Variants in ARHGEF3 observed in about 807,000 individuals in gnomAD.
The protein encoded by ARHGEF3 is 59.8 kDA protein.
ARHGEF3 carries 28 observed loss-of-function variants against 63.2 expected under a neutral mutation model. The ratio of observed to expected loss-of-function variants is 0.44; its 90% CI spans 0.33 to 0.61. The LOEUF (loss-of-function observed/expected upper bound fraction) is 0.61. Among genes scored for constraint, ARHGEF3 ranks in the 20% least tolerant of loss-of-function variants. ARHGEF3 has a pLI of 0.03. For synonymous variants in ARHGEF3, 266 were observed against 254.2 expected (o/e 1.05, Z -0.44); for missense variants, 533 against 659.3 (o/e 0.81, Z 2.10).
At chr3:56,967,032 T>G (rs561314803) in intron 2 of ARHGEF3, among the ~76,000 whole-genome samples, 1 of 149,802 alleles carries the variant, frequency 6.7e-6, no homozygotes, top group Admixed American at 6.7e-5. Flanking sequence ...CCCGGCTAAT[T>G]TTGTATTTTT....
chr3:56,953,530 C>T (rs1699907525), intron 3 of ARHGEF3, among the ~76,000 whole-genome samples: 1 of 152,160 alleles, frequency 6.6e-6, no homozygotes, highest in African/African-American at 2.4e-5. Flanking sequence ...CTGCCCCTTC[C>T]CCACCTCAAG....
At chr3:57,067,177 C>A (rs979485552) in intron 1 of ARHGEF3, among the ~76,000 whole-genome samples, 1 of 152,114 alleles carries the variant, frequency 6.6e-6, no homozygotes. Flanking sequence ...GTCGGCCAGG[C>A]GCGGTGGCTC....
intron 3 of ARHGEF3, among the ~76,000 whole-genome samples, chr3:56,754,618 A>G (rs2034957136): frequency 6.6e-6 from 1 of 152,246 alleles, no homozygotes; most frequent in South Asian, 2.1e-4. Flanking sequence ...ATAGAAAGGA[A>G]GTTTTCCATG....
intron 3 of ARHGEF3, among the ~76,000 whole-genome samples, chr3:56,926,052 T>TA (rs1202789683): frequency 2.7e-4 from 41 of 152,210 alleles, no homozygotes; most frequent in Non-Finnish European, 1.5e-5. Flanking sequence ...CGCAGACCTG[T>TA]ACACAATGCT....
chr3:56,992,398 A>AC, intron 2 of ARHGEF3, among the ~76,000 whole-genome samples: 1 of 135,716 alleles, frequency 7.4e-6, no homozygotes. Flanking sequence ...AAAAAAAAAA[A>AC]AAAAAAAAAA....
At chr3:57,073,124 A>G (rs1321249921) in intron 1 of ARHGEF3, among the ~76,000 whole-genome samples, 2 of 152,170 alleles carry the variant, frequency 1.3e-5, no homozygotes, top group African/African-American at 4.8e-5. Flanking sequence ...GTTTTCAAAG[A>G]TACTCACAGG....
chr3:56,888,263 C>A (rs1182143993), intron 3 of ARHGEF3, among the ~76,000 whole-genome samples: 1 of 152,200 alleles, frequency 6.6e-6, no homozygotes, highest in African/African-American at 2.4e-5. Context: ...GGGTGAGGCA[C>A]ATCCCTGACC....
chr3:57,068,162 C>T (rs564020801), intron 1 of ARHGEF3, among the ~76,000 whole-genome samples: 1,414 of 52,874 alleles, frequency 0.027, 35 homozygotes, highest in African/African-American at 0.09. Flanking sequence ...TGCGCGCACA[C>T]ACACATACAC....
intron 3 of ARHGEF3, among the ~76,000 whole-genome samples, chr3:56,957,971 A>G (rs1023362272): frequency 6.6e-6 from 1 of 152,156 alleles, no homozygotes; most frequent in Non-Finnish European, 1.5e-5. Context: ...ACCTTGCATC[A>G]AGAAGTTCAA....
At chr3:56,840,209 G>A (rs1423738464) in intron 4 of ARHGEF3, among the ~76,000 whole-genome samples, 1 of 152,174 alleles carries the variant, frequency 6.6e-6, no homozygotes, top group Non-Finnish European at 1.5e-5. Context: ...GGCATGCAGT[G>A]CCTAGGAGAG....
At chr3:56,869,217 A>C (rs981375719) in intron 4 of ARHGEF3, among the ~76,000 whole-genome samples, 1 of 152,140 alleles carries the variant, frequency 6.6e-6, no homozygotes, top group African/African-American at 2.4e-5. Flanking sequence ...GTCTGTTGGG[A>C]ATAAACCCAT....
chr3:56,815,865 G>A (rs2038250629), intron 4 of ARHGEF3, among the ~76,000 whole-genome samples: 1 of 152,108 alleles, frequency 6.6e-6, no homozygotes, highest in Non-Finnish European at 1.5e-5. Flanking sequence ...GCCCTTCAAG[G>A]GTGGGCTGCT....
chr3:56,950,177 C>A (rs977197849), intron 3 of ARHGEF3, among the ~76,000 whole-genome samples: 1 of 151,986 alleles, frequency 6.6e-6, no homozygotes, highest in Non-Finnish European at 1.5e-5. Context: ...CTATAAAAAC[C>A]CTAGAAGAAA....
At chr3:56,854,401 G>A (rs752593381) in intron 4 of ARHGEF3, among the ~76,000 whole-genome samples, 73 of 152,262 alleles carry the variant, frequency 4.8e-4, no homozygotes, top group Admixed American at 1.7e-3. Context: ...TTAAGGAGGA[G>A]TATTTATCCT....
intron 3 of ARHGEF3, among the ~76,000 whole-genome samples, chr3:56,953,032 T>A (rs73086390): frequency 0.12 from 17,557 of 152,210 alleles, 1,272 homozygotes; most frequent in East Asian, 0.25. Flanking sequence ...GGTGGGGCTC[T>A]GTTTCCCCAT....
At chr3:56,985,613 T>C (rs565619288) in intron 2 of ARHGEF3, among the ~76,000 whole-genome samples, 1 of 152,296 alleles carries the variant, frequency 6.6e-6, no homozygotes, top group Non-Finnish European at 1.5e-5. Flanking sequence ...GGGCCAGCTA[T>C]TTTGTAAAGA....
intron 4 of ARHGEF3, among the ~76,000 whole-genome samples, chr3:56,842,711 C>T (rs1412296086): frequency 6.6e-6 from 1 of 152,154 alleles, no homozygotes; most frequent in South Asian, 2.1e-4. Flanking sequence ...GCTCACTCAT[C>T]CTTCTGTCCC....
chr3:56,839,535 G>A (rs1399862504), intron 4 of ARHGEF3, among the ~76,000 whole-genome samples: 1 of 152,140 alleles, frequency 6.6e-6, no homozygotes, highest in Non-Finnish European at 1.5e-5. Flanking sequence ...GGGAAGCTGG[G>A]AAAGGTACAT....
chr3:56,908,587 T>C (rs1312753635), intron 3 of ARHGEF3, among the ~76,000 whole-genome samples: 2 of 152,166 alleles, frequency 1.3e-5, no homozygotes, highest in Admixed American at 6.5e-5. Context: ...GACAACTCAG[T>C]TTTGCAACAT....
Sources: gnomAD v4.1 joint callset for allele counts (sites outside exome capture counted in the v4.1 genomes callset) on GRCh38, gnomAD v4.1.1 for gene constraint, MANE v1.5 for transcripts, NCBI Gene and HGNC (gene_info 2026-07-23, HGNC 2026-07-21) for gene names.